DLG2: variants seen among roughly 807,000 people sequenced by gnomAD.
The protein encoded by DLG2 is discs large MAGUK scaffold protein 2.
A neutral mutation model predicts 132.5 loss-of-function variants in DLG2; 45 were observed. The ratio of observed to expected loss-of-function variants is 0.34; its 90% CI spans 0.27 to 0.44. The LOEUF (loss-of-function observed/expected upper bound fraction) is 0.44. Ranked by LOEUF, DLG2 falls within the 20% of genes least tolerant of loss-of-function variation. The probability of loss-of-function intolerance (pLI) is 1.00; values close to 1 mark genes in which losing one functional copy is unlikely to be tolerated. For synonymous variants in DLG2, 424 were observed against 419.6 expected (o/e 1.01, Z -0.13); for missense variants, 1,045 against 1,196.9 (o/e 0.87, Z 1.87).
chr11:85,566,192 G>A (rs2077516792), intron 3 of DLG2, among the ~76,000 whole-genome samples: 1 of 151,900 alleles, frequency 6.6e-6, no homozygotes, highest in Admixed American at 6.6e-5. Flanking sequence ...ATTTTTAATT[G>A]GGTTGTCTTT....
At chr11:84,604,373 G>A (rs937252933) in intron 6 of DLG2, among the ~76,000 whole-genome samples, 5 of 151,770 alleles carry the variant, frequency 3.3e-5, no homozygotes, top group Admixed American at 6.6e-5. Flanking sequence ...TGGGGAGTAG[G>A]GTAGGGAAAG....
chr11:83,465,738 A>G (rs2090904477), intron 26 of DLG2, among the ~76,000 whole-genome samples: 1 of 152,196 alleles, frequency 6.6e-6, no homozygotes, highest in African/African-American at 2.4e-5. Context: ...TTGTTATTTA[A>G]CCTTTATACT....
At chr11:85,517,180 T>C (rs2153169317) in intron 3 of DLG2, among the ~76,000 whole-genome samples, 1 of 152,006 alleles carries the variant, frequency 6.6e-6, no homozygotes, top group East Asian at 1.9e-4. Context: ...AAAAATGATA[T>C]GATCATCTCA....
intron 10 of DLG2, among the ~76,000 whole-genome samples, chr11:84,098,214 T>C (rs1466647382): frequency 6.6e-6 from 1 of 152,032 alleles, no homozygotes; most frequent in African/African-American, 2.4e-5. Context: ...ACTTTTTGTA[T>C]TTTTAATAGA....
intron 7 of DLG2, among the ~76,000 whole-genome samples, chr11:84,323,500 A>C (rs1245288487): frequency 6.6e-6 from 1 of 152,200 alleles, no homozygotes; most frequent in Non-Finnish European, 1.5e-5. Flanking sequence ...CTCAATGAAC[A>C]TGAGAGTACA....
intron 3 of DLG2, among the ~76,000 whole-genome samples, chr11:85,430,639 T>C (rs2091111752): frequency 6.6e-6 from 1 of 152,158 alleles, no homozygotes. Flanking sequence ...ATTTGCTTGG[T>C]AGCTCAGATT....
At chr11:84,185,275 G>T (rs937800654) in intron 8 of DLG2, among the ~76,000 whole-genome samples, 1 of 152,126 alleles carries the variant, frequency 6.6e-6, no homozygotes, top group Non-Finnish European at 1.5e-5. Context: ...TCTCCTTGAA[G>T]AGGTCCTTCA....
chr11:83,506,143 CCGTAGTCA>C (rs1406860631), intron 21 of DLG2, among the ~76,000 whole-genome samples: 1 of 152,178 alleles, frequency 6.6e-6, no homozygotes, highest in East Asian at 1.9e-4. Context: ...ACTGGATGAC[CCGTAGTCA>C]AACGTTCAGT....
chr11:84,611,040 C>CAT (rs927844075), intron 6 of DLG2, among the ~76,000 whole-genome samples: 6 of 151,106 alleles, frequency 4.0e-5, no homozygotes, highest in African/African-American at 1.5e-4. Context: ...CACACACACA[C>CAT]ACACACACAC....
At chr11:83,930,591 T>C in intron 14 of DLG2, 108 bp from the exon 15 acceptor site, 1 of 1,170,698 alleles carries the variant, frequency 8.5e-7, no homozygotes, top group South Asian at 1.7e-5. Flanking sequence ...AATGCCATTT[T>C]ATCTTGATTT....
intron 3 of DLG2, among the ~76,000 whole-genome samples, chr11:85,332,952 T>G (rs966125109): frequency 6.6e-6 from 1 of 152,206 alleles, no homozygotes; most frequent in African/African-American, 2.4e-5. Flanking sequence ...ATATTTAATA[T>G]GAATTTTTGA....
At chr11:85,123,999 C>T (rs1003529589) in intron 5 of DLG2, among the ~76,000 whole-genome samples, 4 of 152,182 alleles carry the variant, frequency 2.6e-5, no homozygotes, top group Non-Finnish European at 5.9e-5. Flanking sequence ...AGAAATTTGC[C>T]ACCAGAGTGG....
chr11:84,111,262 T>C (rs1306170250), intron 9 of DLG2, among the ~76,000 whole-genome samples: 2 of 152,228 alleles, frequency 1.3e-5, no homozygotes, highest in African/African-American at 4.8e-5. Flanking sequence ...CTTCTTTTCT[T>C]TGCTGTTGAA....
chr11:84,991,420 G>A (rs1221774831), intron 6 of DLG2, among the ~76,000 whole-genome samples: 1 of 149,132 alleles, frequency 6.7e-6, no homozygotes, highest in Non-Finnish European at 1.5e-5. Flanking sequence ...GAAGTGGGAG[G>A]ATCGATTTAC....
chr11:83,587,265 T>A (rs2097101413), intron 19 of DLG2, among the ~76,000 whole-genome samples: 1 of 151,848 alleles, frequency 6.6e-6, no homozygotes, highest in Non-Finnish European at 1.5e-5. Context: ...ACATTGAATT[T>A]GCTACTTTTT....
intron 12 of DLG2, among the ~76,000 whole-genome samples, chr11:83,971,776 T>C (rs1205983787): frequency 6.6e-6 from 1 of 152,118 alleles, no homozygotes; most frequent in Admixed American, 6.6e-5. Flanking sequence ...AATGTAGTAA[T>C]GCCAATGCTA....
At chr11:84,064,128 T>TAA (rs71274442) in intron 10 of DLG2, among the ~76,000 whole-genome samples, 5,298 of 151,892 alleles carry the variant, frequency 0.035, 141 homozygotes, top group Non-Finnish European at 0.055. Context: ...TATATATATA[T>TAA]AACAAAAAAA....
intron 15 of DLG2, among the ~76,000 whole-genome samples, chr11:83,919,356 C>T (rs1180487110): frequency 6.6e-6 from 1 of 152,036 alleles, no homozygotes; most frequent in Non-Finnish European, 1.5e-5. Context: ...ACTATCTGAC[C>T]TTCAGGTTTC....
At chr11:84,714,811 A>C (rs1244228266) in intron 6 of DLG2, among the ~76,000 whole-genome samples, 1 of 151,774 alleles carries the variant, frequency 6.6e-6, no homozygotes, top group Non-Finnish European at 1.5e-5. Context: ...CTGGTAAAAC[A>C]CCTAAGATAC....
Sources: gnomAD v4.1 joint callset for allele counts (sites outside exome capture counted in the v4.1 genomes callset) on GRCh38, gnomAD v4.1.1 for gene constraint, MANE v1.5 for transcripts, NCBI Gene and HGNC (gene_info 2026-07-23, HGNC 2026-07-21) for gene names.